PCSK2: variants seen among roughly 807,000 people sequenced by gnomAD.
PCSK2 encodes neuroendocrine convertase 2.
PCSK2 carries 14 observed loss-of-function variants against 69.7 expected under a neutral mutation model. The observed-to-expected ratio is 0.20, with a 90% CI of 0.13 to 0.31. PCSK2 has a LOEUF of 0.31. PCSK2 is among the 10% of genes least tolerant of loss of function. The pLI is 1.00. For synonymous variants in PCSK2, 307 were observed against 320.7 expected (o/e 0.96, Z 0.46); for missense variants, 544 against 842.5 (o/e 0.65, Z 4.39).
rs1311847271 is a variant in PCSK2, at chr20:17,429,520, G to T, written c.706G>T (p.Ala236Ser). The T allele has an allele frequency of 1.5e-5, 24 of 1,610,010 alleles. No homozygotes were observed. The highest frequency in any genetic ancestry group is 2.0e-5 in the Non-Finnish European group (23 of 1,176,680). ...GVGVAYNSKV[A>S]GIRMLDQPFM... ...TGGAGTAGCATACAACTCCAAGGTT[G>T]CAGGTAAGCCATCCCTGCCAAACAG... Residue 236 changes from alanine to serine, a missense_variant, in exon 7 of 12, where the codon GCA becomes TCA. Around this residue, in one of 3 missense-constraint regions of PCSK2, gnomAD observed 187 missense variants for 399.8 expected, o/e 0.47. Transcript: ENST00000262545.
chr20:17,338,854 C>T (rs999603643), intron 2 of PCSK2, among the ~76,000 whole-genome samples: 4 of 152,136 alleles, frequency 2.6e-5, no homozygotes, highest in Non-Finnish European at 5.9e-5. Flanking sequence ...AAGACAATCT[C>T]AACACACTAG....
At chr20:17,326,258 C>G (rs114581846) in intron 2 of PCSK2, among the ~76,000 whole-genome samples, 1 of 152,172 alleles carries the variant, frequency 6.6e-6, no homozygotes, top group African/African-American at 2.4e-5. Context: ...CAATCAAGCC[C>G]TCCATCAGCG....
At chr20:17,359,671 T>C (rs2030323846) in intron 3 of PCSK2, among the ~76,000 whole-genome samples, 1 of 152,228 alleles carries the variant, frequency 6.6e-6, no homozygotes, top group African/African-American at 2.4e-5. Context: ...AGTCTTAACA[T>C]GTCTTTAGAA....
chr20:17,280,024 C>A (rs867132013), intron 2 of PCSK2, among the ~76,000 whole-genome samples: 1 of 149,234 alleles, frequency 6.7e-6, no homozygotes, highest in Non-Finnish European at 1.5e-5. Context: ...CCAAATCAAG[C>A]TTATATCCTC....
At chr20:17,278,619 T>A (rs1988184610) in intron 2 of PCSK2, among the ~76,000 whole-genome samples, 1 of 152,088 alleles carries the variant, frequency 6.6e-6, no homozygotes. Context: ...TACCTAATGC[T>A]AAATGACGAG....
intron 11 of PCSK2, among the ~76,000 whole-genome samples, chr20:17,480,748 T>C (rs1257400437): frequency 1.3e-5 from 2 of 152,124 alleles, no homozygotes; most frequent in Admixed American, 6.5e-5. Context: ...GTTGCCACCG[T>C]GGGCAGCTGA....
intron 4 of PCSK2, among the ~76,000 whole-genome samples, chr20:17,361,941 T>G (rs191675086): frequency 6.6e-6 from 1 of 152,300 alleles, no homozygotes; most frequent in South Asian, 2.1e-4. Context: ...AGGAAAACAA[T>G]GCATCAGGAT....
chr20:17,444,984 T>A (rs989486065), intron 8 of PCSK2, among the ~76,000 whole-genome samples: 1 of 152,176 alleles, frequency 6.6e-6, no homozygotes, highest in Non-Finnish European at 1.5e-5. Context: ...ATGCTGACAT[T>A]TGGAAACTCC....
chr20:17,227,523 G>T, intron 1 of PCSK2, 41 bp downstream of exon 1: 5 of 1,510,666 alleles, frequency 3.3e-6, no homozygotes, highest in Non-Finnish European at 4.6e-6. Context: ...TTCAAAACGG[G>T]GGGACGGGGG....
intron 4 of PCSK2, 43 bp from the exon 5 acceptor site, chr20:17,369,197 G>C (rs772794535): frequency 1.3e-6 from 2 of 1,576,292 alleles, no homozygotes; most frequent in South Asian, 2.2e-5. Context: ...CACAGTGGCA[G>C]GTATTAACCT....
intron 5 of PCSK2, among the ~76,000 whole-genome samples, chr20:17,385,463 A>G (rs1345011421): frequency 6.6e-6 from 1 of 152,252 alleles, no homozygotes; most frequent in Non-Finnish European, 1.5e-5. Flanking sequence ...ATTAAGAAAC[A>G]AAAGCTGAAT....
chr20:17,367,624 G>A (rs1248942250), intron 4 of PCSK2, among the ~76,000 whole-genome samples: 1 of 152,188 alleles, frequency 6.6e-6, no homozygotes. Flanking sequence ...TTTCCTTTTA[G>A]AGACAGGGTC....
At chr20:17,332,127 A>T (rs1990222976) in intron 2 of PCSK2, among the ~76,000 whole-genome samples, 1 of 152,170 alleles carries the variant, frequency 6.6e-6, no homozygotes, top group Non-Finnish European at 1.5e-5. Context: ...AAACTAACGA[A>T]ACTTGCAGGT....
chr20:17,274,053 T>C (rs1253097761), intron 2 of PCSK2, among the ~76,000 whole-genome samples: 1 of 152,156 alleles, frequency 6.6e-6, no homozygotes, highest in African/African-American at 2.4e-5. Context: ...GGTTCTCCCA[T>C]GTGCTCAGGA....
intron 5 of PCSK2, among the ~76,000 whole-genome samples, chr20:17,403,744 C>G (rs920832691): frequency 1.3e-5 from 2 of 152,202 alleles, no homozygotes; most frequent in African/African-American, 4.8e-5. Context: ...ATTACATTGG[C>G]AGTTAATCAT....
intron 9 of PCSK2, 112 bp from the exon 10 acceptor site, chr20:17,456,236 C>G (rs1341167725): frequency 5.9e-6 from 4 of 679,648 alleles, no homozygotes; most frequent in Non-Finnish European, 1.0e-5. Context: ...GTGAGGCTGT[C>G]TCAATAAATA....
intron 2 of PCSK2, among the ~76,000 whole-genome samples, chr20:17,310,399 A>G (rs1989467981): frequency 6.6e-6 from 1 of 152,142 alleles, no homozygotes; most frequent in African/African-American, 2.4e-5. Flanking sequence ...TTATGTGGAA[A>G]TTTTATTACC....
rs192132884 is a variant in PCSK2 at position 17,431,787 on chromosome 20, T to C, written c.709+2264T>C. ...TGGATTACAAAAACAGCAGAGTTTA[T>C]CTTACAAATTTAAGGAAAACATTTT... is the stretch of plus-strand genomic sequence containing the variant. On this transcript the variant is annotated intron_variant, in intron 7 of 11. Coordinates refer to ENST00000262545, the MANE Select transcript of PCSK2 (RefSeq NM_002594.5). Among the ~76,000 whole-genome samples, 7 of 152,330 alleles carry C rather than the reference T, an allele frequency of 4.6e-5. No homozygotes were observed. The East Asian group carries it at 9.6e-4, about 21-fold the overall frequency.
At chr20:17,259,282 C>T (rs1050394925) in intron 1 of PCSK2, among the ~76,000 whole-genome samples, 4 of 152,136 alleles carry the variant, frequency 2.6e-5, no homozygotes, top group Non-Finnish European at 2.9e-5. Flanking sequence ...TACATATTTA[C>T]ATTATTTGTC....
Sources: allele counts gnomAD v4.1 joint callset (sites outside exome capture counted in the v4.1 genomes callset), GRCh38; gene constraint gnomAD v4.1.1; regional missense constraint gnomAD v4.1.1; transcripts MANE v1.5; gene names NCBI Gene and HGNC (gene_info 2026-07-23, HGNC 2026-07-21).